LRRIQ1: variants seen among roughly 807,000 people sequenced by gnomAD.
The protein encoded by LRRIQ1 is leucine-rich repeat- and IQ domain-containing protein 1.
LRRIQ1 carries 210 observed loss-of-function variants against 211.9 expected under a neutral mutation model. The ratio of observed to expected loss-of-function variants is 0.99; its 90% CI spans 0.89 to 1.11. The LOEUF (loss-of-function observed/expected upper bound fraction) is 1.11, where lower values mean the gene tolerates loss of function less well. Ranked by LOEUF, LRRIQ1 falls within the 50% of genes most tolerant of loss-of-function variation. LRRIQ1 has a pLI of 0.00. For missense variants in LRRIQ1, 2,136 were observed against 1,939.5 expected (o/e 1.10, Z -1.90); for synonymous variants, 699 against 650.1 (o/e 1.08, Z -1.14).
At chr12:85,255,502 T>A (rs1386166760) in intron 1 of LRRIQ1, among the ~76,000 whole-genome samples, 1 of 151,820 alleles carries the variant, frequency 6.6e-6, no homozygotes, top group African/African-American at 2.4e-5. Flanking sequence ...CAATTTAAAC[T>A]TTTTTGTTCC....
At chr12:85,153,949 T>TAAAAATAGAC in intron 22 of LRRIQ1, 63 bp from the exon 23 acceptor site, 2 of 1,108,444 alleles carry the variant, frequency 1.8e-6, no homozygotes, top group Non-Finnish European at 2.5e-6. Flanking sequence ...TCTATTTTTA[T>TAAAAATAGAC]ATGCATATCT....
intron 24 of LRRIQ1, among the ~76,000 whole-genome samples, chr12:85,170,195 T>A (rs954193577): frequency 6.6e-6 from 1 of 151,816 alleles, no homozygotes; most frequent in Non-Finnish European, 1.5e-5. Context: ...TTTTTTGTAT[T>A]TCCCCCTAAT....
intron 24 of LRRIQ1, among the ~76,000 whole-genome samples, chr12:85,217,584 A>G (rs548026897): frequency 1.3e-3 from 57 of 42,632 alleles, no homozygotes; most frequent in East Asian, 0.011. Flanking sequence ...ATACATATGT[A>G]TATATATATG....
chr12:85,106,484 T>A, intron 14 of LRRIQ1, 38 bp from the exon 15 acceptor site: 1 of 1,379,024 alleles, frequency 7.3e-7, no homozygotes, highest in Non-Finnish European at 1.0e-6. Flanking sequence ...GTTCTAAATC[T>A]GTGATGATAC....
chr12:85,042,503 T>G (rs1879015519), intron 3 of LRRIQ1, among the ~76,000 whole-genome samples: 1 of 148,630 alleles, frequency 6.7e-6, no homozygotes, highest in Admixed American at 6.7e-5. Context: ...AGTTTATTAT[T>G]CATTAAATTA....
chr12:85,226,508 T>C (rs1211561514), intron 24 of LRRIQ1, among the ~76,000 whole-genome samples: 2 of 151,768 alleles, frequency 1.3e-5, no homozygotes, highest in African/African-American at 4.8e-5. Flanking sequence ...ATAACTTTTG[T>C]ATAATTATTT....
At chr12:85,272,487 C>G in the LRRIQ1 span, among the ~76,000 whole-genome samples, 1 of 151,872 alleles carries the variant, frequency 6.6e-6, no homozygotes, top group Non-Finnish European at 1.5e-5. Context: ...GAACCCAAAA[C>G]AAGTCCTTTT....
intron 24 of LRRIQ1, among the ~76,000 whole-genome samples, chr12:85,213,106 A>G (rs1208891672): frequency 1.3e-5 from 2 of 151,966 alleles, no homozygotes; most frequent in East Asian, 3.9e-4. Context: ...AAACAAACTT[A>G]AACTATAAAG....
At chr12:85,208,728 G>A (rs1170803288) in intron 24 of LRRIQ1, among the ~76,000 whole-genome samples, 6 of 151,982 alleles carry the variant, frequency 3.9e-5, no homozygotes, top group Non-Finnish European at 5.9e-5. Context: ...TTAGAACTAC[G>A]GACCAACAAA....
At chr12:85,118,498 TG>T (rs1238743545) in intron 15 of LRRIQ1, among the ~76,000 whole-genome samples, 3 of 105,354 alleles carry the variant, frequency 2.8e-5, no homozygotes, top group South Asian at 2.6e-4. Flanking sequence ...TGAAAAACTA[TG>T]TTTTTTTTTT....
intron 24 of LRRIQ1, among the ~76,000 whole-genome samples, chr12:85,165,686 G>T (rs1303977490): frequency 6.6e-6 from 1 of 151,914 alleles, no homozygotes; most frequent in African/African-American, 2.4e-5. Flanking sequence ...TGTTGCCCAG[G>T]TTGGTCTCCT....
intron 24 of LRRIQ1, among the ~76,000 whole-genome samples, chr12:85,228,993 G>A (rs1026022490): frequency 6.6e-6 from 1 of 152,096 alleles, no homozygotes; most frequent in African/African-American, 2.4e-5. Flanking sequence ...ATGGAGGAAG[G>A]CTTTAAAACA....
intron 24 of LRRIQ1, among the ~76,000 whole-genome samples, chr12:85,168,089 A>G (rs1592915413): frequency 6.6e-6 from 1 of 152,212 alleles, no homozygotes; most frequent in East Asian, 1.9e-4. Flanking sequence ...ATAAGAAGAA[A>G]ATACTCTTGA....
intron 11 of LRRIQ1, among the ~76,000 whole-genome samples, chr12:85,094,597 CT>C (rs1885698384): frequency 6.6e-6 from 1 of 151,780 alleles, no homozygotes; most frequent in Non-Finnish European, 1.5e-5. Context: ...TCTATATGGT[CT>C]TTTTTATGTT....
chr12:85,162,204 G>A (rs1273686351), intron 24 of LRRIQ1, among the ~76,000 whole-genome samples: 2 of 151,234 alleles, frequency 1.3e-5, no homozygotes, highest in Non-Finnish European at 2.9e-5. Context: ...AAAAATTTTG[G>A]TGCCCATTAT....
At chr12:85,270,769 C>G in the LRRIQ1 span, among the ~76,000 whole-genome samples, 1 of 152,074 alleles carries the variant, frequency 6.6e-6, no homozygotes, top group Non-Finnish European at 1.5e-5. Flanking sequence ...TTTACTCCTA[C>G]CCTTGGAGAT....
In LRRIQ1 at chr12:85,244,849, G is replaced by C. The variant is rs373537907; in HGVS notation, c.5077G>C (p.Ala1693Pro). The C allele has an allele frequency of 1.2e-6, 2 of 1,608,130 alleles. No homozygotes were observed. Among genetic ancestry groups the C allele is most frequent in the South Asian group, 2.2e-5 (2 of 90,806 alleles). ...CCTTTTTTCCATGACCAATGGAAGTGCTTTGTCTGTGAACAGAGAAAAAAA... is the reference window on the plus strand; with the variant it reads ...CCTTTTTTCCATGACCAATGGAAGTCCTTTGTCTGTGAACAGAGAAAAAAA... ...LDLFSMTNGS[A>P]LSVNREKKNQ... The change falls in exon 27 of 27, where the codon GCT becomes CCT. Residue 1693 changes from alanine to proline, a missense_variant. Ala to Pro is a conservative substitution (Grantham distance 27). Transcript: ENST00000393217.
At chr12:85,088,213 T>C (rs1885024612) in intron 11 of LRRIQ1, among the ~76,000 whole-genome samples, 1 of 152,092 alleles carries the variant, frequency 6.6e-6, no homozygotes, top group South Asian at 2.1e-4. Flanking sequence ...ATCCTTTCCC[T>C]ATTTCTTGTT....
At chr12:85,271,387 A>G in the LRRIQ1 span, among the ~76,000 whole-genome samples, 8 of 152,134 alleles carry the variant, frequency 5.3e-5, no homozygotes, top group Non-Finnish European at 1.2e-4. Flanking sequence ...TAGTTCCACC[A>G]CTGGGGCAAA....
Sources: gnomAD v4.1 joint callset for allele counts (sites outside exome capture counted in the v4.1 genomes callset) on GRCh38, gnomAD v4.1.1 for gene constraint, MANE v1.5 for transcripts, NCBI Gene and HGNC (gene_info 2026-07-23, HGNC 2026-07-21) for gene names.